FAM220A: variants seen among roughly 807,000 people sequenced by gnomAD.
FAM220A encodes protein FAM220A.
For missense variants in FAM220A, 392 were observed against 321.6 expected, an observed-to-expected ratio of 1.22 and a Z score of -1.68; for synonymous variants, 141 against 130.7, an observed-to-expected ratio of 1.08 and a Z score of -0.54.
At chr7:6,346,881 G>C (rs911063320) in intron 1 of FAM220A, among the ~76,000 whole-genome samples, 1 of 152,146 alleles carries the variant, frequency 6.6e-6, no homozygotes, top group African/African-American at 2.4e-5. Context: ...ACGCCAGGGA[G>C]CAACCCAAGG....
intron 1 of FAM220A, among the ~76,000 whole-genome samples, chr7:6,339,463 T>C (rs910089162): frequency 6.6e-6 from 1 of 151,722 alleles, no homozygotes; most frequent in East Asian, 1.9e-4. Context: ...TCTGCCCCTA[T>C]AAAACCAGCT....
chr7:6,342,644 AGC>A (rs1413440173), intron 1 of FAM220A, among the ~76,000 whole-genome samples: 2 of 152,202 alleles, frequency 1.3e-5, no homozygotes, highest in Non-Finnish European at 2.9e-5. Context: ...GTCCACACAA[AGC>A]TTACATGCAA....
intron 1 of FAM220A, among the ~76,000 whole-genome samples, chr7:6,335,468 T>A (rs532742358): frequency 5.3e-5 from 8 of 152,162 alleles, no homozygotes; most frequent in African/African-American, 1.7e-4. Context: ...CCTCAGGTGA[T>A]CTGCCCGCCT....
At chr7:6,345,679 G>A (rs765898482) in intron 1 of FAM220A, among the ~76,000 whole-genome samples, 5 of 152,096 alleles carry the variant, frequency 3.3e-5, no homozygotes, top group Admixed American at 2.6e-4. Context: ...TAGACAAAAA[G>A]GGGAGTACAG....
At chr7:6,336,172 C>CAAAA (rs113753233) in intron 1 of FAM220A, among the ~76,000 whole-genome samples, 2 of 131,838 alleles carry the variant, frequency 1.5e-5, no homozygotes, top group Middle Eastern at 4.1e-3. Flanking sequence ...GATTTTGCCT[C>CAAAA]AAAAAAAAAA....
At chr7:6,339,168 G>A (rs534831655) in intron 1 of FAM220A, among the ~76,000 whole-genome samples, 8 of 152,248 alleles carry the variant, frequency 5.3e-5, no homozygotes, top group South Asian at 2.1e-4. Flanking sequence ...CACTTGGCAC[G>A]TCTAAATCAC....
At chr7:6,344,364 C>A (rs1246010031) in intron 1 of FAM220A, among the ~76,000 whole-genome samples, 2 of 152,170 alleles carry the variant, frequency 1.3e-5, no homozygotes, top group African/African-American at 4.8e-5. Flanking sequence ...CACTCCCCAC[C>A]CCCATGATGT....
At chr7:6,335,443 G>A (rs986111965) in intron 1 of FAM220A, among the ~76,000 whole-genome samples, 2 of 151,808 alleles carry the variant, frequency 1.3e-5, no homozygotes, top group African/African-American at 4.8e-5. Flanking sequence ...TGCCAGGCTG[G>A]TCTTGATGTC....
intron 1 of FAM220A, among the ~76,000 whole-genome samples, chr7:6,342,350 G>C (rs1424271961): frequency 6.6e-6 from 1 of 151,836 alleles, no homozygotes; most frequent in Non-Finnish European, 1.5e-5. Context: ...CTGGAGACCA[G>C]CCCAGCTAAC....
intron 1 of FAM220A, among the ~76,000 whole-genome samples, chr7:6,335,710 G>T (rs1245667208): frequency 6.6e-6 from 1 of 151,972 alleles, no homozygotes; most frequent in Non-Finnish European, 1.5e-5. Context: ...TGATAGAATT[G>T]TGACCATTAT....
At chr7:6,347,866 C>T (rs984516889) in intron 1 of FAM220A, among the ~76,000 whole-genome samples, 5 of 146,524 alleles carry the variant, frequency 3.4e-5, no homozygotes, top group African/African-American at 7.6e-5. Flanking sequence ...CCAGCCTGGG[C>T]AACATAACGA....
chr7:6,346,712 G>T (rs1185423548), intron 1 of FAM220A, among the ~76,000 whole-genome samples: 1 of 152,088 alleles, frequency 6.6e-6, no homozygotes, highest in South Asian at 2.1e-4. Flanking sequence ...ATCAACAGCC[G>T]GTGTTAGGTT....
chr7:6,344,604 A>G (rs1312634450), intron 1 of FAM220A, among the ~76,000 whole-genome samples: 4 of 151,960 alleles, frequency 2.6e-5, no homozygotes, highest in Admixed American at 2.6e-4. Flanking sequence ...TTTTTTGTAG[A>G]GACGGAGTTT....
chr7:6,336,827 T>G (rs1781758241), intron 1 of FAM220A, among the ~76,000 whole-genome samples: 1 of 152,092 alleles, frequency 6.6e-6, no homozygotes, highest in African/African-American at 2.4e-5. Context: ...GCTAATTTTT[T>G]GTATTTTGTG....
At chr7:6,336,906 A>G (rs1244483633) in intron 1 of FAM220A, among the ~76,000 whole-genome samples, 3 of 152,050 alleles carry the variant, frequency 2.0e-5, no homozygotes, top group Admixed American at 6.6e-5. Flanking sequence ...CGCCCACCTC[A>G]GCCTCCCAAA....
chr7:6,348,378 C>G (rs1781995963), intron 1 of FAM220A, among the ~76,000 whole-genome samples, 195 bp downstream of exon 1: 1 of 152,212 alleles, frequency 6.6e-6, no homozygotes, highest in African/African-American at 2.4e-5. Context: ...TAACCTGACC[C>G]CCAGTGCCGC....
At position 6,330,944 on chromosome 7, in the gene FAM220A, C is replaced by T. The variant is rs3750041; in HGVS notation, c.211G>A (p.Gly71Arg). 221,830 of 1,614,080 alleles carry T rather than the reference C, an allele frequency of 0.14. 16,704 individuals carry two copies. Among genetic ancestry groups the T allele is most frequent in the African/African-American group, 0.23 (16,958 of 74,990 alleles). ...CCACTGTGAAGCCAGAGGCCAGCCC[C>T]GCTCGGATCCTTTCTCATTTCCAGT... ...LSLEMRKDPSGAGLWLHSGGP... is the reference protein window; with the variant it reads ...LSLEMRKDPSRAGLWLHSGGP... The change falls in exon 2 of 2, where the codon GGG (glycine) becomes AGG (arginine). Residue 71 changes from glycine (G) to arginine (R), a missense_variant. Coordinates refer to ENST00000313324, the MANE Select transcript of FAM220A (RefSeq NM_001037163.2).
intron 1 of FAM220A, among the ~76,000 whole-genome samples, chr7:6,340,909 A>AG (rs1781840929): frequency 6.8e-6 from 1 of 147,976 alleles, no homozygotes; most frequent in African/African-American, 2.5e-5. Flanking sequence ...AAAAAAAAAA[A>AG]AAAAAAAATT....
intron 1 of FAM220A, among the ~76,000 whole-genome samples, chr7:6,344,803 C>G (rs533913600): frequency 4.7e-5 from 7 of 149,012 alleles, no homozygotes; most frequent in Admixed American, 2.7e-4. Flanking sequence ...TGCAATGGCA[C>G]GAACTTGGCT....
Sources: gnomAD v4.1 joint callset for allele counts (sites outside exome capture counted in the v4.1 genomes callset) on GRCh38, gnomAD v4.1.1 for gene constraint, MANE v1.5 for transcripts, NCBI Gene and HGNC (gene_info 2026-07-23, HGNC 2026-07-21) for gene names.